COL27A1: variants seen among roughly 807,000 people sequenced by gnomAD.
The protein encoded by COL27A1 is collagen type XXVII alpha 1 chain.
A neutral mutation model predicts 251.3 loss-of-function variants in COL27A1; 106 were observed. That is an observed-to-expected ratio of 0.42 (90% CI 0.36 to 0.50). The LOEUF is 0.50. COL27A1 is among the 20% of genes least tolerant of loss of function. The probability of loss-of-function intolerance (pLI) is 0.00; values close to 1 mark genes in which losing one functional copy is unlikely to be tolerated. For missense variants in COL27A1, 2,325 were observed against 2,522.8 expected, an observed-to-expected ratio of 0.92 and a Z score of 1.68; for synonymous variants, 1,000 against 986.3, an observed-to-expected ratio of 1.01 and a Z score of -0.26.
intron 28 of COL27A1, among the ~76,000 whole-genome samples, chr9:114,263,347 C>G (rs1272310516): frequency 6.6e-6 from 1 of 152,132 alleles, no homozygotes; most frequent in Non-Finnish European, 1.5e-5. Context: ...TTCCTTTTAT[C>G]TGGGGGAGTA....
At chr9:114,202,413 T>C (rs985018759) in intron 7 of COL27A1, among the ~76,000 whole-genome samples, 2 of 152,188 alleles carry the variant, frequency 1.3e-5, no homozygotes, top group African/African-American at 4.8e-5. Flanking sequence ...GAGAGGATAA[T>C]TACTCATACA....
rs113115144 is a variant in COL27A1 at position 114,223,389 on chromosome 9, C to T, written c.2466+1122C>T. 1.7e-4 allele frequency among the ~76,000 whole-genome samples: 26 copies of T among 152,308 alleles called. 1 individual carries two copies. Among genetic ancestry groups the T allele is most frequent in the African/African-American group, 5.5e-4 (23 of 41,566 alleles). ...CCCTGAGGGAGGCAGGGAACCCCAT[C>T]GCTCAGGGAAGGCCAGTCCTGGGAA... On this transcript the variant is annotated intron_variant, in intron 14 of 60. Transcript: ENST00000356083.
chr9:114,282,797 A>G (rs549746406), intron 39 of COL27A1, among the ~76,000 whole-genome samples: 2 of 152,328 alleles, frequency 1.3e-5, no homozygotes, highest in Admixed American at 6.5e-5. Context: ...ACTTCCTGCA[A>G]TTTGAAGGGG....
chr9:114,287,940 T>A (rs1425588945), intron 41 of COL27A1, among the ~76,000 whole-genome samples: 1 of 152,092 alleles, frequency 6.6e-6, no homozygotes, highest in Admixed American at 6.5e-5. Context: ...GTCATGAGTC[T>A]GCCTGTGACT....
At chr9:114,177,340 G>A (rs10759685) in intron 3 of COL27A1, among the ~76,000 whole-genome samples, 50,614 of 152,068 alleles carry the variant, frequency 0.33, 8,477 homozygotes, top group East Asian at 0.38. Flanking sequence ...TCAGGGTTAG[G>A]TTTTTCACTT....
upstream of COL27A1, among the ~76,000 whole-genome samples, chr9:114,154,695 A>G (rs1848027329): frequency 6.6e-6 from 1 of 151,914 alleles, no homozygotes; most frequent in South Asian, 2.1e-4. The surrounding 1 kb of genome is among the most constrained non-coding windows in gnomAD (Gnocchi z 5.8). Context: ...TTTCGTGTGA[A>G]CCTAGGAAGG....
chr9:114,174,004 G>A (rs1428010151), intron 3 of COL27A1, among the ~76,000 whole-genome samples: 1 of 150,876 alleles, frequency 6.6e-6, no homozygotes, highest in Non-Finnish European at 1.5e-5. Flanking sequence ...TTGAGACAGA[G>A]TCTTGCTCTG....
intron 27 of COL27A1, among the ~76,000 whole-genome samples, chr9:114,255,386 G>A (rs949706861): frequency 1.3e-5 from 2 of 152,176 alleles, no homozygotes; most frequent in African/African-American, 4.8e-5. Flanking sequence ...CAAGGATGCT[G>A]GGGGTACATC....
chr9:114,244,605 C>T (rs1832986209), intron 23 of COL27A1, among the ~76,000 whole-genome samples: 1 of 152,226 alleles, frequency 6.6e-6, no homozygotes, highest in Non-Finnish European at 1.5e-5. Context: ...TATCTCCCTC[C>T]CTTCTGGGGA....
At chr9:114,198,325 A>C (rs1829306269) in intron 7 of COL27A1, among the ~76,000 whole-genome samples, 1 of 152,214 alleles carries the variant, frequency 6.6e-6, no homozygotes, top group African/African-American at 2.4e-5. Flanking sequence ...AAAAACAGTA[A>C]AAATAAAAGG....
At chr9:114,172,695 G>A (rs759940313) in intron 3 of COL27A1, among the ~76,000 whole-genome samples, 3 of 152,294 alleles carry the variant, frequency 2.0e-5, no homozygotes, top group Non-Finnish European at 4.4e-5. Flanking sequence ...TTGGGAGGCC[G>A]AGGTAGGAGA....
chr9:114,208,230 G>T (rs1830102484), intron 10 of COL27A1, among the ~76,000 whole-genome samples: 1 of 152,118 alleles, frequency 6.6e-6, no homozygotes, highest in Non-Finnish European at 1.5e-5. Context: ...CTGAGGCCAG[G>T]AGTTCGAGAC....
At chr9:114,163,071 T>C (rs1398172446) in intron 2 of COL27A1, among the ~76,000 whole-genome samples, 1 of 152,002 alleles carries the variant, frequency 6.6e-6, no homozygotes. Flanking sequence ...CCATCTCTAC[T>C]AAAAATACAA....
intron 3 of COL27A1, among the ~76,000 whole-genome samples, chr9:114,174,446 C>T (rs1349283898): frequency 6.6e-6 from 1 of 152,154 alleles, no homozygotes; most frequent in Admixed American, 6.5e-5. Context: ...TGGGCGAATA[C>T]AGCTGCAGCC....
At chr9:114,228,612 C>A (rs1028794356) in intron 14 of COL27A1, among the ~76,000 whole-genome samples, 3 of 152,246 alleles carry the variant, frequency 2.0e-5, no homozygotes, top group Non-Finnish European at 4.4e-5. Context: ...GGAGCCCTAA[C>A]CTCTCAGAGC....
At chr9:114,173,857 A>G (rs1052265304) in intron 3 of COL27A1, among the ~76,000 whole-genome samples, 9 of 151,984 alleles carry the variant, frequency 5.9e-5, no homozygotes, top group Non-Finnish European at 1.2e-4. Flanking sequence ...TGCTTGGAGA[A>G]CTGTGCTATG....
chr9:114,186,141 C>A (rs1320474125), intron 5 of COL27A1, among the ~76,000 whole-genome samples: 1 of 152,246 alleles, frequency 6.6e-6, no homozygotes, highest in African/African-American at 2.4e-5. Context: ...AGGCCACACC[C>A]CATCTTCCTC....
At chr9:114,259,921 C>T (rs1006126068) in intron 28 of COL27A1, among the ~76,000 whole-genome samples, 1 of 150,932 alleles carries the variant, frequency 6.6e-6, no homozygotes, top group Non-Finnish European at 1.5e-5. Flanking sequence ...CCTGAGCAGC[C>T]GGCCTGGAAG....
chr9:114,157,835 C>G (rs753294012), intron 1 of COL27A1, among the ~76,000 whole-genome samples: 2 of 152,166 alleles, frequency 1.3e-5, no homozygotes, highest in Non-Finnish European at 2.9e-5. Context: ...TTCTCTTCCA[C>G]AAAACCGGCA....
Sources: allele counts gnomAD v4.1 joint callset (sites outside exome capture counted in the v4.1 genomes callset), GRCh38; gene constraint gnomAD v4.1.1; non-coding constraint Gnocchi (gnomAD v3.1); transcripts MANE v1.5; gene names NCBI Gene and HGNC (gene_info 2026-07-23, HGNC 2026-07-21).